ATP10A: variants seen among roughly 807,000 people sequenced by gnomAD.
The protein encoded by ATP10A is phospholipid-transporting ATPase VA.
Under a neutral mutation model 147.8 loss-of-function variants are expected in ATP10A, and 111 were observed. The ratio of observed to expected loss-of-function variants is 0.75; its 90% CI spans 0.64 to 0.88. The LOEUF (loss-of-function observed/expected upper bound fraction) is 0.88. Ranked by LOEUF, ATP10A falls within the 40% of genes least tolerant of loss-of-function variation. The pLI is 0.00. For synonymous variants in ATP10A, 875 were observed against 841.6 expected, an observed-to-expected ratio of 1.04 and a Z score of -0.69; for missense variants, 1,927 against 1,959.0, an observed-to-expected ratio of 0.98 and a Z score of 0.31.
intron 1 of ATP10A, among the ~76,000 whole-genome samples, chr15:25,808,906 C>T (rs11161221): frequency 0.55 from 83,277 of 151,936 alleles, 23,900 homozygotes; most frequent in East Asian, 0.8. Context: ...GGCATTAACA[C>T]TAGAGCAAGG....
chr15:25,761,608 G>A (rs949346155), intron 2 of ATP10A, among the ~76,000 whole-genome samples: 13 of 152,254 alleles, frequency 8.5e-5, no homozygotes, highest in Admixed American at 6.5e-5. Context: ...TGACCTAGAT[G>A]TGAGACATGG....
In ATP10A at chr15:25,843,995, C is replaced by T. The variant is rs374672910; in HGVS notation, c.449+18653G>A. On this transcript the variant is annotated intron_variant, in intron 1 of 20. Coordinates refer to ENST00000555815, the MANE Select transcript of ATP10A (RefSeq NM_024490.4). ...TCACCCACCGCCAAAACTGAGACAG[C>T]GCCCACCACAGTGGATACCTGTGTT... Among the ~76,000 whole-genome samples the T allele has an allele frequency of 1.5e-4, 23 of 152,246 alleles. No homozygotes were observed. In the East Asian group the frequency reaches 3.5e-3, roughly 23 times the overall value.
chr15:25,688,078 A>G, intron 15 of ATP10A: 2 of 524,778 alleles, frequency 3.8e-6, no homozygotes, highest in Non-Finnish European at 6.9e-6. Context: ...GCTTTCAAAT[A>G]TGTGTCACTA....
intron 14 of ATP10A, among the ~76,000 whole-genome samples, chr15:25,694,552 A>ACAGG (rs1414404796): frequency 6.6e-6 from 1 of 152,208 alleles, no homozygotes; most frequent in African/African-American, 2.4e-5. Flanking sequence ...CTCCTGAGAA[A>ACAGG]CAGGGTAAGC....
chr15:25,719,664 T>C (rs1902088863), intron 7 of ATP10A, among the ~76,000 whole-genome samples: 1 of 151,510 alleles, frequency 6.6e-6, no homozygotes. Context: ...GGCTGGTATG[T>C]TGGTGTTCTG....
At chr15:25,795,314 G>C (rs577678927) in intron 1 of ATP10A, among the ~76,000 whole-genome samples, 2 of 152,118 alleles carry the variant, frequency 1.3e-5, no homozygotes, top group Non-Finnish European at 2.9e-5. Flanking sequence ...CCCACGGAGG[G>C]AGGGCCTGCG....
intron 2 of ATP10A, among the ~76,000 whole-genome samples, chr15:25,763,913 T>C (rs1259505928): frequency 6.6e-6 from 1 of 152,226 alleles, no homozygotes; most frequent in Non-Finnish European, 1.5e-5. Context: ...TTCTTTTAAG[T>C]GCTTGATTAG....
intron 1 of ATP10A, among the ~76,000 whole-genome samples, chr15:25,840,904 T>G (rs772211932): frequency 3.9e-5 from 6 of 152,224 alleles, no homozygotes. Flanking sequence ...GTAAAGATGT[T>G]GAACATCTTT....
intron 1 of ATP10A, among the ~76,000 whole-genome samples, chr15:25,800,497 G>A (rs544238980): frequency 5.3e-5 from 8 of 152,270 alleles, no homozygotes; most frequent in East Asian, 1.9e-4. Context: ...GTGACCCAGC[G>A]GTTGCAGCTG....
chr15:25,704,310 C>T (rs1437799253), intron 12 of ATP10A, among the ~76,000 whole-genome samples: 1 of 152,128 alleles, frequency 6.6e-6, no homozygotes, highest in African/African-American at 2.4e-5. Flanking sequence ...TGACAATTTG[C>T]CAGGATAACG....
chr15:25,736,145 A>C lies in ATP10A; in HGVS notation c.655-4T>G, dbSNP rs758546578. On this transcript the variant is annotated splice_polypyrimidine_tract_variant and splice_region_variant and intron_variant, in intron 2 of 20. Coordinates refer to ENST00000555815, the MANE Select transcript of ATP10A (RefSeq NM_024490.4). ...TCAAAGGATTGAATTCGGAGACCTAAAATAACAGCACGTAGACATTAGAGA... is the reference window on the plus strand; with the variant it reads ...TCAAAGGATTGAATTCGGAGACCTACAATAACAGCACGTAGACATTAGAGA... 6.2e-7 allele frequency: 1 copy of C among 1,611,686 alleles called. No individual in the cohort carries two copies. Among genetic ancestry groups the C allele is most frequent in the East Asian group, 2.2e-5 (1 of 44,882 alleles).
chr15:25,773,818 C>CCACACACA (rs56751876), intron 2 of ATP10A, among the ~76,000 whole-genome samples: 13 of 137,906 alleles, frequency 9.4e-5, no homozygotes, highest in Admixed American at 5.7e-4. Context: ...ACCTAAACAT[C>CCACACACA]CACACACACA....
At chr15:25,855,240 A>G (rs1374943142) in intron 1 of ATP10A, among the ~76,000 whole-genome samples, 1 of 152,172 alleles carries the variant, frequency 6.6e-6, no homozygotes, top group Non-Finnish European at 1.5e-5. Context: ...AACACATTCT[A>G]GTCAATGGTA....
chr15:25,757,831 TAACTCATTCCGACCACCTGCTCCAC>T (rs1888509467), intron 2 of ATP10A, among the ~76,000 whole-genome samples: 9 of 146,952 alleles, frequency 6.1e-5, no homozygotes, highest in Admixed American at 3.4e-4. Context: ...TGCTCCACCC[TAACTCATTCCGACCACCTGCTCCAC>T]CCTAACTCAT....
At chr15:25,833,923 GA>G (rs1892478494) in intron 1 of ATP10A, among the ~76,000 whole-genome samples, 1 of 151,910 alleles carries the variant, frequency 6.6e-6, no homozygotes, top group African/African-American at 2.4e-5. Context: ...AGTGAGCCCA[GA>G]TGGCGCCACT....
intron 1 of ATP10A, among the ~76,000 whole-genome samples, chr15:25,836,451 C>T (rs1453670739): frequency 6.6e-6 from 1 of 152,176 alleles, no homozygotes; most frequent in Non-Finnish European, 1.5e-5. Context: ...AGTGGCAACA[C>T]TGGCTGCAAA....
In ATP10A at chr15:25,759,747, G is replaced by A. The variant is rs529159085; in HGVS notation, c.654+21272C>T. Among the ~76,000 whole-genome samples the A allele has an allele frequency of 3.9e-3, 595 of 151,818 alleles. 4 individuals carry two copies. Among genetic ancestry groups the A allele is most frequent in the African/African-American group, 0.014 (570 of 41,408 alleles). On this transcript the variant is annotated intron_variant, in intron 2 of 20. Transcript: ENST00000555815. ...TCGCTTGAGCCTGGGAGGTGGAGGT[G>A]GCAGTGAGCTGAGATCACACTACTG...
chr15:25,701,620 A>T (rs185760081), intron 13 of ATP10A, among the ~76,000 whole-genome samples: 1 of 152,348 alleles, frequency 6.6e-6, no homozygotes, highest in East Asian at 1.9e-4. Flanking sequence ...CCCTGGCTCC[A>T]CTGTGGAAGC....
chr15:25,689,351 G>A (rs1038264913), intron 15 of ATP10A, among the ~76,000 whole-genome samples: 1 of 152,206 alleles, frequency 6.6e-6, no homozygotes, highest in Non-Finnish European at 1.5e-5. Context: ...AACCAGATGA[G>A]CCAGAGCTCA....
Sources: gnomAD v4.1 joint callset for allele counts (sites outside exome capture counted in the v4.1 genomes callset) on GRCh38, gnomAD v4.1.1 for gene constraint, MANE v1.5 for transcripts, NCBI Gene and HGNC (gene_info 2026-07-23, HGNC 2026-07-21) for gene names.